CORO2B: variants seen among roughly 807,000 people sequenced by gnomAD.
The protein encoded by CORO2B is coronin 2B.
CORO2B carries 26 observed loss-of-function variants against 58.8 expected under a neutral mutation model. That is an observed-to-expected ratio of 0.44 (90% confidence interval 0.32 to 0.61). CORO2B has a LOEUF of 0.61. CORO2B is among the 20% of genes least tolerant of loss of function. CORO2B has a pLI of 0.04. For missense variants in CORO2B, 460 were observed against 645.1 expected, an observed-to-expected ratio of 0.71 and a Z score of 3.11; for synonymous variants, 242 against 253.8, an observed-to-expected ratio of 0.95 and a Z score of 0.44.
At chr15:68,719,040 G>C in intron 9 of CORO2B, 104 bp from the exon 10 acceptor site, 1 of 990,876 alleles carries the variant, frequency 1.0e-6, no homozygotes, top group South Asian at 1.3e-5. Context: ...AGAGGCAGGA[G>C]AGCAGGTAGA....
intron 1 of CORO2B, among the ~76,000 whole-genome samples, chr15:68,615,020 G>A (rs1246917631): frequency 6.6e-6 from 1 of 152,236 alleles, no homozygotes; most frequent in Non-Finnish European, 1.5e-5. Context: ...GGGATGCTGT[G>A]TACAGGAGCT....
At chr15:68,697,102 CATGGATGGATGGATGGATTGTGG>C in intron 3 of CORO2B, among the ~76,000 whole-genome samples, 1 of 151,858 alleles carries the variant, frequency 6.6e-6, no homozygotes, top group East Asian at 1.9e-4. Context: ...TCGATGGATG[CATGGATGGATGGATGGATTGTGG>C]ATGGATGGAT....
chr15:68,636,327 G>A (rs1470572932), intron 1 of CORO2B, among the ~76,000 whole-genome samples: 1 of 152,182 alleles, frequency 6.6e-6, no homozygotes, highest in Admixed American at 6.5e-5. Flanking sequence ...CTCCTTACAT[G>A]TCCGGCCTTG....
chr15:68,533,127 C>T, the CORO2B span, among the ~76,000 whole-genome samples: 43 of 152,184 alleles, frequency 2.8e-4, no homozygotes, highest in African/African-American at 8.9e-4. Flanking sequence ...TTCCCTGCAC[C>T]ACAATCCAGA....
intron 1 of CORO2B, among the ~76,000 whole-genome samples, chr15:68,625,082 C>G (rs1900638063): frequency 6.6e-6 from 1 of 152,208 alleles, no homozygotes; most frequent in Non-Finnish European, 1.5e-5. Flanking sequence ...GTCCCTTCCT[C>G]TGCACCACAC....
intron 1 of CORO2B, among the ~76,000 whole-genome samples, chr15:68,600,493 G>A (rs961801201): frequency 1.2e-4 from 19 of 152,282 alleles, no homozygotes; most frequent in African/African-American, 3.1e-4. Flanking sequence ...CCTAGACCTG[G>A]GTACCTGTAG....
At chr15:68,579,716 C>T (rs1010100934) in intron 1 of CORO2B, among the ~76,000 whole-genome samples, 2 of 152,196 alleles carry the variant, frequency 1.3e-5, no homozygotes, top group South Asian at 4.1e-4. Context: ...AAACCCCACC[C>T]CACCTGCCAG....
Position 68,579,154 on chromosome 15 carries a change from G to A in CORO2B, c.-109G>A. The A allele has an allele frequency of 1.0e-6, 1 of 981,072 alleles. No individual in the cohort carries two copies. Among genetic ancestry groups the A allele is most frequent in the Non-Finnish European group, 1.2e-6 (1 of 828,132 alleles). The allele number at this position is 981,072 out of a possible 1,614,324, so 60.8% of individuals were successfully genotyped here. On this transcript the variant is annotated 5_prime_UTR_variant, in exon 1 of 12. Transcript: ENST00000261861. ...GGCTCGGCCGAGCCGCCGGCGGGGC[G>A]CGGGGAGCGAGCCGGGAGCTGCCGG...
At chr15:68,623,826 G>C (rs1253034551) in intron 1 of CORO2B, among the ~76,000 whole-genome samples, 1 of 152,166 alleles carries the variant, frequency 6.6e-6, no homozygotes, top group Non-Finnish European at 1.5e-5. Flanking sequence ...GTGTGTTTGA[G>C]CAGCCCCAGC....
intron 2 of CORO2B, among the ~76,000 whole-genome samples, chr15:68,694,407 A>G (rs1312053698): frequency 6.6e-6 from 1 of 152,240 alleles, no homozygotes; most frequent in Non-Finnish European, 1.5e-5. Context: ...AGAGAAGTTC[A>G]TTAACTTTCC....
At chr15:68,698,333 G>C (rs1049814523) in intron 3 of CORO2B, among the ~76,000 whole-genome samples, 4 of 152,100 alleles carry the variant, frequency 2.6e-5, no homozygotes, top group Admixed American at 2.0e-4. Context: ...TTAGACCAGG[G>C]CTCCTGGAAT....
At chr15:68,539,859 G>A in the CORO2B span, among the ~76,000 whole-genome samples, 1 of 152,180 alleles carries the variant, frequency 6.6e-6, no homozygotes, top group Non-Finnish European at 1.5e-5. Flanking sequence ...TTGCTGTTTG[G>A]TTAATAGAAG....
intron 1 of CORO2B, among the ~76,000 whole-genome samples, chr15:68,642,552 C>G (rs1901286811): frequency 6.6e-6 from 1 of 152,200 alleles, no homozygotes; most frequent in Non-Finnish European, 1.5e-5. Context: ...ATAGGCTGGG[C>G]CTGCCACGAG....
the CORO2B span, among the ~76,000 whole-genome samples, chr15:68,548,189 A>ATATATG: frequency 0.72 from 103,711 of 144,766 alleles, 37,304 homozygotes; most frequent in East Asian, 0.94. Flanking sequence ...ATATATATAT[A>ATATATG]TGTGTGTGTG....
intron 2 of CORO2B, among the ~76,000 whole-genome samples, chr15:68,689,804 A>G (rs886244243): frequency 1.3e-5 from 2 of 152,174 alleles, no homozygotes; most frequent in Middle Eastern, 3.2e-3. Flanking sequence ...TTTAATTTTT[A>G]TGTTTGTTAA....
rs116609364 is a variant in CORO2B at position 68,613,820 on chromosome 15, T to C, written c.16-31340T>C. 2.5e-3 allele frequency among the ~76,000 whole-genome samples: 378 copies of C among 152,334 alleles called. 6 individuals are homozygous for C. The highest frequency in any genetic ancestry group is 7.7e-3 in the African/African-American group (320 of 41,578). On this transcript the variant is annotated intron_variant, in intron 1 of 11. Coordinates refer to ENST00000261861, the MANE Select transcript of CORO2B (RefSeq NM_006091.5). The stretch of plus-strand genomic sequence containing the variant: ...TATAGATGGCTGAAACTCCTGAAAG[T>C]CTTAGTAAGAACACTTTGTTCTCAT...
chr15:68,677,442 A>G (rs1373676588), intron 2 of CORO2B, among the ~76,000 whole-genome samples: 1 of 152,180 alleles, frequency 6.6e-6, no homozygotes, highest in Non-Finnish European at 1.5e-5. Context: ...CTGTCATGCA[A>G]TGGCTAAGGA....
Position 68,645,221 on chromosome 15 carries a change from A to G in CORO2B, c.77A>G (p.Asn26Ser), listed in dbSNP as rs1423882581. ...KFRNVYGKVANREHCFDGIPI... is the reference protein window; with the variant it reads ...KFRNVYGKVASREHCFDGIPI... ...CGGAATGTCTACGGGAAGGTGGCCA[A>G]CCGGGAGCACTGCTTCGATGGGATC... Residue 26 changes from asparagine (N) to serine (S), a missense_variant, in exon 2 of 12, where the codon AAC becomes AGC. Physicochemically the swap from Asn to Ser is conservative, Grantham distance 46 (BLOSUM62 1). This residue lies in a region of CORO2B where 352 missense variants were observed against 543.0 expected (regional missense o/e 0.65). Transcript: ENST00000261861. The surrounding 1 kb of genome is among the most constrained non-coding windows in gnomAD (Gnocchi z 4.5). 2 of 1,614,010 alleles carry G rather than the reference A, an allele frequency of 1.2e-6. No individual in the cohort carries two copies. Among genetic ancestry groups the G allele is most frequent in the Non-Finnish European group, 1.7e-6 (2 of 1,180,018 alleles).
At chr15:68,614,270 A>G (rs138272640) in intron 1 of CORO2B, among the ~76,000 whole-genome samples, 5 of 152,358 alleles carry the variant, frequency 3.3e-5, no homozygotes, top group African/African-American at 7.2e-5. Context: ...TTCTGCTTCT[A>G]TAGAGATAGT....
Sources: gnomAD v4.1 joint callset for allele counts (sites outside exome capture counted in the v4.1 genomes callset) on GRCh38, gnomAD v4.1.1 for gene constraint, gnomAD v4.1.1 regional missense constraint, Gnocchi (gnomAD v3.1) non-coding constraint, MANE v1.5 for transcripts, NCBI Gene and HGNC (gene_info 2026-07-23, HGNC 2026-07-21) for gene names.